Variants in SH3PXD2A observed in about 807,000 individuals in gnomAD.
The protein encoded by SH3PXD2A is SH3 and PX domain-containing protein 2A.
Under a neutral mutation model 115.2 loss-of-function variants are expected in SH3PXD2A, and 32 were observed. The observed-to-expected ratio is 0.28, with a 90% CI of 0.21 to 0.37. The LOEUF is 0.37. Among genes scored for constraint, SH3PXD2A ranks in the 10% least tolerant of loss-of-function variants. SH3PXD2A has a pLI of 1.00. For synonymous variants in SH3PXD2A, 610 were observed against 629.1 expected, an observed-to-expected ratio of 0.97 and a Z score of 0.45; for missense variants, 1,328 against 1,498.7, an observed-to-expected ratio of 0.89 and a Z score of 1.88.
At chr10:103,648,520 G>A (rs1203257352) in intron 8 of SH3PXD2A, among the ~76,000 whole-genome samples, 1 of 152,220 alleles carries the variant, frequency 6.6e-6, no homozygotes, top group Admixed American at 6.5e-5. Flanking sequence ...CCGACAGGGA[G>A]AGACACCCTC....
chr10:103,602,305 T>C lies in SH3PXD2A; in HGVS notation c.2913A>G (p.Gly971=). ...SGTPAVKMRN[G]VRQVAVRPQS... is the part of the protein sequence containing the mutation. ...GGGGCCTGACCGCCACCTGCCGCAC[T>C]CCGTTCCTCATCTTCACCGCTGGAG... is the stretch of plus-strand genomic sequence containing the variant. The change falls in exon 15 of 15, where the codon GGA becomes GGG. Residue 971 remains glycine (G), a synonymous_variant. Transcript: ENST00000369774. 1 of 1,613,716 alleles carries C rather than the reference T, an allele frequency of 6.2e-7. No individual in the cohort carries two copies. The highest frequency in any genetic ancestry group is 8.5e-7 in the Non-Finnish European group (1 of 1,179,954).
At chr10:103,692,965 G>A in intron 6 of SH3PXD2A, 63 bp downstream of exon 6, 1 of 1,354,784 alleles carries the variant, frequency 7.4e-7, no homozygotes, top group Non-Finnish European at 1.1e-6. Flanking sequence ...CTGCAGGATC[G>A]GAGGGGCGCG....
chr10:103,758,319 T>C (rs919618140), intron 3 of SH3PXD2A, among the ~76,000 whole-genome samples: 7 of 152,224 alleles, frequency 4.6e-5, no homozygotes, highest in Admixed American at 4.6e-4. Flanking sequence ...CCCTGGGCCC[T>C]GATGATCCAA....
At chr10:103,798,831 G>C (rs7896328) in intron 2 of SH3PXD2A, among the ~76,000 whole-genome samples, 1 of 152,170 alleles carries the variant, frequency 6.6e-6, no homozygotes, top group African/African-American at 2.4e-5. Context: ...ACTGGGCACA[G>C]GGAGCTCACC....
At chr10:103,766,888 C>T (rs959477658) in intron 3 of SH3PXD2A, among the ~76,000 whole-genome samples, 4 of 152,222 alleles carry the variant, frequency 2.6e-5, no homozygotes, top group Admixed American at 6.5e-5. Context: ...CCAGCAGAGA[C>T]GGTCTTGTAA....
intron 2 of SH3PXD2A, among the ~76,000 whole-genome samples, chr10:103,771,112 C>T (rs981560244): frequency 2.0e-5 from 3 of 152,148 alleles, no homozygotes; most frequent in Non-Finnish European, 4.4e-5. Context: ...AGGTATGGAA[C>T]GCTTTGTCCT....
At chr10:103,777,624 C>T (rs2038892919) in intron 2 of SH3PXD2A, among the ~76,000 whole-genome samples, 1 of 152,216 alleles carries the variant, frequency 6.6e-6, no homozygotes, top group Non-Finnish European at 1.5e-5. Context: ...ATCCTCAAGC[C>T]ACAGAAAGCC....
At chr10:103,821,047 C>T (rs1007376562) in intron 1 of SH3PXD2A, among the ~76,000 whole-genome samples, 1 of 151,998 alleles carries the variant, frequency 6.6e-6, no homozygotes, top group Non-Finnish European at 1.5e-5. Flanking sequence ...GGGTATGCCT[C>T]TGATGGTTTC....
rs1456864379 is a variant in SH3PXD2A at position 103,602,525 on chromosome 10, T to C, written c.2693A>G (p.Glu898Gly). Reference sequence around the variant, plus strand: ...GCCAGAGGGGTCAGGTTGCTCGTTCTCATCCAGCACCAAATAGTGGGAAGG... The same window carrying C: ...GCCAGAGGGGTCAGGTTGCTCGTTCCCATCCAGCACCAAATAGTGGGAAGG... ...WAPSHYLVLD[E>G]NEQPDPSGKE... The change falls in exon 15 of 15, where the codon GAG (glutamate) becomes GGG (glycine). Residue 898 changes from glutamate to glycine, a missense_variant. This residue lies in a region of SH3PXD2A where 574 missense variants were observed against 565.7 expected (regional missense o/e 1.01). Transcript: ENST00000369774. 1.2e-6 allele frequency: 2 copies of C among 1,614,050 alleles called. No individual in the cohort carries two copies. The highest frequency in any genetic ancestry group is 1.3e-5 in the African/African-American group (1 of 74,928).
intron 13 of SH3PXD2A, among the ~76,000 whole-genome samples, chr10:103,610,670 G>C (rs2036413010): frequency 6.6e-6 from 1 of 152,272 alleles, no homozygotes; most frequent in Non-Finnish European, 1.5e-5. Context: ...CCTTAACCCA[G>C]TGCACCAGGT....
intron 1 of SH3PXD2A, among the ~76,000 whole-genome samples, chr10:103,848,755 G>A (rs746376494): frequency 3.9e-5 from 6 of 152,002 alleles, no homozygotes; most frequent in Admixed American, 6.6e-5. Context: ...TCTCCAGTCG[G>A]TCTTCCCTGG....
At chr10:103,783,532 G>A (rs55853874) in intron 2 of SH3PXD2A, among the ~76,000 whole-genome samples, 7,696 of 152,290 alleles carry the variant, frequency 0.051, 209 homozygotes, top group South Asian at 0.11. Context: ...GCCAGGTGTG[G>A]GGTGGTCCCA....
intron 8 of SH3PXD2A, among the ~76,000 whole-genome samples, chr10:103,644,748 G>T (rs1364530706): frequency 6.6e-6 from 1 of 152,194 alleles, no homozygotes; most frequent in Non-Finnish European, 1.5e-5. Flanking sequence ...GAAAAGGATA[G>T]GAGGGTGAAT....
At chr10:103,675,602 G>A (rs1592295279) in intron 6 of SH3PXD2A, among the ~76,000 whole-genome samples, 1 of 152,254 alleles carries the variant, frequency 6.6e-6, no homozygotes, top group African/African-American at 2.4e-5. Context: ...CAGCAAATAA[G>A]TCGTAGGGCT....
intron 3 of SH3PXD2A, among the ~76,000 whole-genome samples, chr10:103,752,039 G>A (rs2038585768): frequency 6.6e-6 from 1 of 152,250 alleles, no homozygotes; most frequent in East Asian, 1.9e-4. Context: ...AGAGAGGGGA[G>A]GATAAGAACT....
intron 1 of SH3PXD2A, among the ~76,000 whole-genome samples, chr10:103,803,169 G>A (rs1196223339): frequency 6.6e-6 from 1 of 152,098 alleles, no homozygotes; most frequent in Non-Finnish European, 1.5e-5. Context: ...TTTCTGAAAC[G>A]CAACCAAGGA....
At chr10:103,819,590 C>T (rs180976311) in intron 1 of SH3PXD2A, among the ~76,000 whole-genome samples, 19 of 151,104 alleles carry the variant, frequency 1.3e-4, no homozygotes, top group Admixed American at 2.0e-4. Flanking sequence ...GGCAAGGGGG[C>T]GAAGAAGCAC....
At chr10:103,840,536 G>A (rs920401138) in intron 1 of SH3PXD2A, among the ~76,000 whole-genome samples, 3 of 152,210 alleles carry the variant, frequency 2.0e-5, no homozygotes, top group East Asian at 1.9e-4. Context: ...TGTCCTGAAC[G>A]TAAGGTCTAC....
rs115973797 is a variant in SH3PXD2A at position 103,654,074 on chromosome 10, C to T, written c.604+6909G>A. On this transcript the variant is annotated intron_variant, in intron 8 of 14. Transcript: ENST00000369774. ...GCTCAATGCCTCCAGGAAGCCTTCTCGACTATGCTTGTCTTCACCCCTGAC... is the reference window on the plus strand; with the variant it reads ...GCTCAATGCCTCCAGGAAGCCTTCTTGACTATGCTTGTCTTCACCCCTGAC... Among the ~76,000 whole-genome samples, 362 of 152,166 alleles carry T rather than the reference C, an allele frequency of 2.4e-3. 5 individuals are homozygous for T. Among genetic ancestry groups the T allele is most frequent in the African/African-American group, 8.4e-3 (349 of 41,510 alleles).
Sources: gnomAD v4.1 joint callset for allele counts (sites outside exome capture counted in the v4.1 genomes callset) on GRCh38, gnomAD v4.1.1 for gene constraint, gnomAD v4.1.1 regional missense constraint, MANE v1.5 for transcripts, NCBI Gene and HGNC (gene_info 2026-07-23, HGNC 2026-07-21) for gene names.